The following PLXDC2 variants were observed in gnomAD, a reference collection of about 807,000 sequenced individuals.
PLXDC2 encodes plexin domain-containing protein 2.
A neutral mutation model predicts 68.9 loss-of-function variants in PLXDC2; 40 were observed. That is an observed-to-expected ratio of 0.58 (90% CI 0.45 to 0.76). PLXDC2 has a LOEUF of 0.76. Ranked by LOEUF, PLXDC2 falls within the 30% of genes least tolerant of loss-of-function variation. PLXDC2 has a pLI of 0.00. For missense variants in PLXDC2, 644 were observed against 661.9 expected, an observed-to-expected ratio of 0.97 and a Z score of 0.30; for synonymous variants, 243 against 234.2, an observed-to-expected ratio of 1.04 and a Z score of -0.34.
chr10:20,235,889 T>G (rs1005843898), intron 12 of PLXDC2, among the ~76,000 whole-genome samples: 1 of 152,186 alleles, frequency 6.6e-6, no homozygotes, highest in African/African-American at 2.4e-5. Context: ...CTCCAAACCT[T>G]GAAAGTGCTT....
intron 12 of PLXDC2, among the ~76,000 whole-genome samples, chr10:20,242,309 T>C (rs1343650058): frequency 1.3e-5 from 2 of 152,204 alleles, no homozygotes; most frequent in Non-Finnish European, 2.9e-5. Flanking sequence ...GTGTAATTTG[T>C]CTCAACCTGC....
chr10:19,869,557 A>G (rs1315219314), intron 1 of PLXDC2, among the ~76,000 whole-genome samples: 1 of 151,828 alleles, frequency 6.6e-6, no homozygotes. Flanking sequence ...TGTACAACAT[A>G]TTAATAACTA....
At chr10:19,990,911 G>GA (rs1459725387) in intron 1 of PLXDC2, among the ~76,000 whole-genome samples, 2 of 152,022 alleles carry the variant, frequency 1.3e-5, no homozygotes, top group Admixed American at 6.6e-5. Flanking sequence ...CCAAAAAAGT[G>GA]AAAAAAATCT....
At chr10:19,909,096 T>C (rs1015569632) in intron 1 of PLXDC2, among the ~76,000 whole-genome samples, 8 of 152,182 alleles carry the variant, frequency 5.3e-5, no homozygotes, top group Admixed American at 5.2e-4. Context: ...CTCATGAATT[T>C]AGATAGTGTG....
chr10:20,246,660 C>T (rs1309173458), intron 13 of PLXDC2, among the ~76,000 whole-genome samples: 4 of 152,094 alleles, frequency 2.6e-5, no homozygotes, highest in Non-Finnish European at 5.9e-5. Flanking sequence ...ACATGTGCAC[C>T]TTTGACTCTA....
At chr10:20,239,913 G>T (rs993345621) in intron 12 of PLXDC2, among the ~76,000 whole-genome samples, 3 of 152,164 alleles carry the variant, frequency 2.0e-5, no homozygotes, top group Non-Finnish European at 1.5e-5. Flanking sequence ...TTTCAGCTTT[G>T]CATTTGAGGT....
intron 1 of PLXDC2, among the ~76,000 whole-genome samples, chr10:19,960,073 C>T (rs1378734297): frequency 6.6e-6 from 1 of 151,148 alleles, no homozygotes; most frequent in Non-Finnish European, 1.5e-5. Context: ...ATTGCAGTAA[C>T]AAGGCCAGGC....
At chr10:20,163,538 G>A (rs941793399) in intron 6 of PLXDC2, among the ~76,000 whole-genome samples, 2 of 151,748 alleles carry the variant, frequency 1.3e-5, no homozygotes, top group African/African-American at 4.8e-5. Context: ...TTAATGAATT[G>A]CCCACAGATC....
intron 4 of PLXDC2, among the ~76,000 whole-genome samples, chr10:20,108,587 A>T (rs752416035): frequency 6.6e-6 from 1 of 152,324 alleles, no homozygotes; most frequent in South Asian, 2.1e-4. Context: ...GTAAAATCAT[A>T]TAATGGCAGA....
chr10:19,848,863 G>A (rs1482335399), intron 1 of PLXDC2, among the ~76,000 whole-genome samples: 1 of 152,150 alleles, frequency 6.6e-6, no homozygotes, highest in South Asian at 2.1e-4. Flanking sequence ...TTCATCTCAT[G>A]AAAAGAAGCT....
At chr10:19,914,838 GAC>G (rs1446985442) in intron 1 of PLXDC2, among the ~76,000 whole-genome samples, 1 of 152,114 alleles carries the variant, frequency 6.6e-6, no homozygotes, top group Non-Finnish European at 1.5e-5. Flanking sequence ...TTGATGGATT[GAC>G]AGTTTTATCA....
chr10:19,912,258 C>A (rs1236641432), intron 1 of PLXDC2, among the ~76,000 whole-genome samples: 2 of 152,058 alleles, frequency 1.3e-5, no homozygotes, highest in Non-Finnish European at 2.9e-5. Context: ...AAAAGAAATA[C>A]AAAAACTTGT....
At chr10:19,871,400 G>A (rs934440967) in intron 1 of PLXDC2, among the ~76,000 whole-genome samples, 7 of 152,180 alleles carry the variant, frequency 4.6e-5, no homozygotes, top group African/African-American at 1.4e-4. Context: ...TCATGTTAGT[G>A]CCAAATTGTA....
intron 1 of PLXDC2, among the ~76,000 whole-genome samples, chr10:19,950,560 T>C (rs530418119): frequency 6.6e-6 from 1 of 152,008 alleles, no homozygotes; most frequent in Non-Finnish European, 1.5e-5. Context: ...GAATAAATAG[T>C]ATTTTCAAAT....
chr10:19,922,347 G>A (rs916462190), intron 1 of PLXDC2, among the ~76,000 whole-genome samples: 1 of 152,238 alleles, frequency 6.6e-6, no homozygotes, highest in African/African-American at 2.4e-5. Context: ...TGTCCCTGGA[G>A]GGTAGGGTTA....
rs7073030 is a variant in PLXDC2, at chr10:19,937,184, T to C, written c.113-64591T>C. On this transcript the variant is annotated intron_variant, in intron 1 of 13. Coordinates refer to ENST00000377252, the MANE Select transcript of PLXDC2 (RefSeq NM_032812.9). ...CTCCAGGATTATGTTTTTCAAAGTG[T>C]TACATTAATCTGCATGTGGGACAAA... Among the ~76,000 whole-genome samples the C allele has an allele frequency of 8.3e-3, 1,262 of 152,288 alleles. 25 individuals carry two copies. The highest frequency in any genetic ancestry group is 0.029 in the African/African-American group (1,197 of 41,564).
At chr10:20,051,931 G>A (rs1835909224) in intron 3 of PLXDC2, among the ~76,000 whole-genome samples, 1 of 151,928 alleles carries the variant, frequency 6.6e-6, no homozygotes, top group African/African-American at 2.4e-5. Context: ...TAGACAATAT[G>A]TAAATGAACA....
At chr10:20,177,180 A>C (rs953127902) in intron 8 of PLXDC2, 86 bp downstream of exon 8, 2 of 1,354,516 alleles carry the variant, frequency 1.5e-6, no homozygotes, top group African/African-American at 2.9e-5. Context: ...AATCATATTA[A>C]ATAATTACCA....
At chr10:19,876,277 A>G (rs2131346852) in intron 1 of PLXDC2, among the ~76,000 whole-genome samples, 1 of 152,318 alleles carries the variant, frequency 6.6e-6, no homozygotes, top group East Asian at 1.9e-4. Context: ...AGAGAAAATT[A>G]TGCTTCAACA....
Sources: gnomAD v4.1 joint callset for allele counts (sites outside exome capture counted in the v4.1 genomes callset) on GRCh38, gnomAD v4.1.1 for gene constraint, MANE v1.5 for transcripts, NCBI Gene and HGNC (gene_info 2026-07-23, HGNC 2026-07-21) for gene names.